Variants in ANO9 observed in about 807,000 individuals in gnomAD.
ANO9 encodes anoctamin-9.
ANO9 carries 80 observed loss-of-function variants against 100.5 expected under a neutral mutation model. The ratio of observed to expected loss-of-function variants is 0.80; its 90% CI spans 0.66 to 0.96. ANO9 has a LOEUF of 0.96. Among genes scored for constraint, ANO9 ranks in the 40% least tolerant of loss-of-function variants. ANO9 has a pLI of 0.00. For synonymous variants in ANO9, 473 were observed against 435.6 expected (o/e 1.09, Z -1.07); for missense variants, 1,064 against 1,072.7 (o/e 0.99, Z 0.11).
Position 420,557 on chromosome 11 carries a change from G to A in ANO9, c.1692C>T (p.Leu564=). 1.2e-6 allele frequency: 2 copies of A among 1,605,686 alleles called. No homozygotes were observed. Among genetic ancestry groups the A allele is most frequent in the South Asian group, 2.2e-5 (2 of 91,046 alleles). The part of the protein sequence containing the change: ...FVAAFPLAPL[L]ALFSNLVEIR... ...TCTCCACGAGGTTGCTGAAGAGCGCGAGCAGCGGCGCCAGCGGGAAGGCGG... is the reference window on the plus strand; with the variant it reads ...TCTCCACGAGGTTGCTGAAGAGCGCAAGCAGCGGCGCCAGCGGGAAGGCGG... Residue 564 remains leucine, a synonymous_variant, in exon 19 of 23, where the codon CTC becomes CTT. Transcript: ENST00000332826.
intron 20 of ANO9, 81 bp from the exon 21 acceptor site, chr11:419,070 G>C: frequency 6.3e-7 from 1 of 1,594,766 alleles, no homozygotes; most frequent in African/African-American, 1.3e-5. Flanking sequence ...TCTAGCCTGC[G>C]TTGTGGAGCA....
chr11:428,612 C>G lies in ANO9; in HGVS notation c.1048G>C (p.Val350Leu). 1 of 1,612,212 alleles carries G rather than the reference C, an allele frequency of 6.2e-7. No homozygotes were observed. The highest frequency in any genetic ancestry group is 8.5e-7 in the Non-Finnish European group (1 of 1,179,650). ...GCCAGGACGCGGTAGACCACCAGGA[C>G]GTGGGCCATGCCGATCATGAGGCAG... ...MICLMIGMAHVLVVYRVLASA... is the reference protein window; with the variant it reads ...MICLMIGMAHLLVVYRVLASA... The change falls in exon 13 of 23, where the codon GTC (valine) becomes CTC (leucine). Residue 350 changes from valine (V) to leucine (L), a missense_variant. Val to Leu is a conservative substitution (Grantham distance 32). Coordinates refer to ENST00000332826, the MANE Select transcript of ANO9 (RefSeq NM_001012302.3).
chr11:425,719 T>G (rs576615828), intron 15 of ANO9, among the ~76,000 whole-genome samples: 88 of 151,190 alleles, frequency 5.8e-4, no homozygotes, highest in Middle Eastern at 3.4e-3. Context: ...TGTTTTTTGT[T>G]TTTTGTTTGT....
chr11:420,341 G>A, intron 19 of ANO9, 122 bp downstream of exon 19: 1 of 1,491,308 alleles, frequency 6.7e-7, no homozygotes, highest in Non-Finnish European at 8.9e-7. Flanking sequence ...GAAGGGCTGG[G>A]GGCTGTCTGC....
chr11:433,286 G>A (rs1849166647), intron 4 of ANO9, 28 bp downstream of exon 4: 1 of 1,605,606 alleles, frequency 6.2e-7, no homozygotes, highest in Non-Finnish European at 8.5e-7. Context: ...GGGTTCTCCT[G>A]GCCACGGCTC....
rs762387585 is a variant in ANO9 at position 420,764 on chromosome 11, C to G, written c.1587G>C (p.Leu529=). Reference sequence around the variant, plus strand: ...ACAGGCTGAAGGTGTTGACCGGGTTCAGAAGGTAGTTGCGCCGCCAGTCCC... The same window carrying G: ...ACAGGCTGAAGGTGTTGACCGGGTTGAGAAGGTAGTTGCGCCGCCAGTCCC... The part of the protein sequence containing the change: ...ELRDWRRNYL[L]NPVNTFSLFD... Residue 529 remains leucine (L), a synonymous_variant, in exon 18 of 23, where the codon CTG becomes CTC. Transcript: ENST00000332826. 1.1e-5 allele frequency: 18 copies of G among 1,605,484 alleles called. No individual in the cohort carries two copies. Among genetic ancestry groups the G allele is most frequent in the Non-Finnish European group, 1.4e-5 (17 of 1,177,938 alleles).
chr11:420,270 C>A (rs1442279548), intron 19 of ANO9, 193 bp downstream of exon 19: 6 of 1,428,330 alleles, frequency 4.2e-6, no homozygotes, highest in Admixed American at 5.7e-5. Context: ...ACAAAGCGCT[C>A]GGCCCCGCCC....
At chr11:426,309 C>T (rs541082887) in intron 15 of ANO9, among the ~76,000 whole-genome samples, 2 of 152,190 alleles carry the variant, frequency 1.3e-5, no homozygotes, top group African/African-American at 4.8e-5. Context: ...GTAGCTCACA[C>T]CTGTTATCCC....
chr11:438,562 G>A (rs1264438705), intron 1 of ANO9, among the ~76,000 whole-genome samples: 1 of 151,524 alleles, frequency 6.6e-6, no homozygotes, highest in Non-Finnish European at 1.5e-5. Flanking sequence ...CAGCCTCCAG[G>A]ACCGGGCCGT....
chr11:430,235 C>G (rs771965622), intron 8 of ANO9, 34 bp downstream of exon 8: 1 of 1,552,072 alleles, frequency 6.4e-7, no homozygotes, highest in Admixed American at 1.9e-5. Context: ...GGGCCCACCC[C>G]GGCCCCCCAT....
At position 433,427 on chromosome 11, in the gene ANO9, C is replaced by T. The variant is rs747375948; in HGVS notation, c.237G>A (p.Gly79=). ...CAAAGACACTGTTGTCAGCACGGAT[C>T]CCAAAGAAGACCTGTTTCTGGTCCC... The part of the protein sequence containing the change: ...VIRDQKQVFF[G]IRADNSVFGL... The change falls in exon 4 of 23, where the codon GGG becomes GGA. Residue 79 remains glycine, a synonymous_variant. Transcript: ENST00000332826. The T allele has an allele frequency of 6.2e-7, 1 of 1,613,344 alleles. No individual in the cohort carries two copies. The highest frequency in any genetic ancestry group is 1.1e-5 in the South Asian group (1 of 91,084).
At chr11:429,067 G>A (rs1590457922) in intron 11 of ANO9, among the ~76,000 whole-genome samples, 1 of 131,644 alleles carries the variant, frequency 7.6e-6, no homozygotes, top group Non-Finnish European at 1.6e-5. Context: ...CACGCCTCAC[G>A]GGTGGACAGA....
At position 432,029 on chromosome 11, in the gene ANO9, C is replaced by G; in HGVS notation, c.376G>C (p.Val126Leu). 6.2e-7 allele frequency: 1 copy of G among 1,613,008 alleles called. No homozygotes were observed. The highest frequency in any genetic ancestry group is 8.5e-7 in the Non-Finnish European group (1 of 1,179,770). Residue 126 changes from valine to leucine, a missense_variant, in exon 5 of 23, where the codon GTT (valine) becomes CTT (leucine). Val to Leu is a conservative substitution (Grantham distance 32, BLOSUM62 1). Transcript: ENST00000332826. The surrounding 1 kb of genome is among the most constrained non-coding windows in gnomAD (Gnocchi z 4.8). ...TSLRIRIVNF[V>L]VMNNKTSAGE... ...GCCGAGGTCTTGTTGTTCATGACAA[C>G]GAAGTTCACGATTCGGATTCTGAGA...
rs753340054 is a variant in ANO9 at position 420,529 on chromosome 11, G to C, written c.1720C>G (p.Arg574Gly). The C allele has an allele frequency of 6.2e-7, 1 of 1,605,772 alleles. No homozygotes were observed. Among genetic ancestry groups the C allele is most frequent in the Non-Finnish European group, 8.5e-7 (1 of 1,179,532 alleles). Residue 574 changes from arginine to glycine, a missense_variant, in exon 19 of 23, where the codon CGC becomes GGC. Arg to Gly is a moderately radical substitution (Grantham distance 125). Coordinates refer to ENST00000332826, the MANE Select transcript of ANO9 (RefSeq NM_001012302.3). ...LALFSNLVEIRLDAIKMVWLQ... is the reference protein window; with the variant it reads ...LALFSNLVEIGLDAIKMVWLQ... ...CAGACCATCTTGATGGCGTCCAGGCGGATCTCCACGAGGTTGCTGAAGAGC... is the reference window on the plus strand; with the variant it reads ...CAGACCATCTTGATGGCGTCCAGGCCGATCTCCACGAGGTTGCTGAAGAGC...
chr11:435,315 G>C (rs917827474), intron 1 of ANO9, among the ~76,000 whole-genome samples: 6 of 149,114 alleles, frequency 4.0e-5, no homozygotes, highest in African/African-American at 1.5e-4. Context: ...CATAGTATAG[G>C]GTAGTATGGT....
chr11:433,427 C>G lies in ANO9; in HGVS notation c.237G>C (p.Gly79=), dbSNP rs747375948. ...CAAAGACACTGTTGTCAGCACGGAT[C>G]CCAAAGAAGACCTGTTTCTGGTCCC... The part of the protein sequence containing the change: ...VIRDQKQVFF[G]IRADNSVFGL... The change falls in exon 4 of 23, where the codon GGG becomes GGC. Residue 79 remains glycine, a synonymous_variant. Transcript: ENST00000332826. 1.9e-6 allele frequency: 3 copies of G among 1,613,228 alleles called. No homozygotes were observed. In the African/African-American group the frequency reaches 4.0e-5, roughly 22 times the overall value.
At chr11:430,061 G>C (rs780689495) in intron 9 of ANO9, 22 bp downstream of exon 9, 1 of 1,547,602 alleles carries the variant, frequency 6.5e-7, no homozygotes, top group African/African-American at 1.4e-5. Context: ...CAGGCCCTGG[G>C]GTGGACCCGG....
chr11:439,827 AC>A (rs1845715873), intron 1 of ANO9, among the ~76,000 whole-genome samples: 2 of 149,128 alleles, frequency 1.3e-5, no homozygotes, highest in Non-Finnish European at 3.0e-5. Flanking sequence ...TCTTCTGCCC[AC>A]CCCCCGGCCC....
intron 15 of ANO9, among the ~76,000 whole-genome samples, chr11:423,550 C>T (rs1003680058): frequency 1.3e-5 from 2 of 152,070 alleles, no homozygotes; most frequent in South Asian, 2.1e-4. Flanking sequence ...CTCTGTCACT[C>T]GGGCTGGAGT....
Sources: allele counts gnomAD v4.1 joint callset (sites outside exome capture counted in the v4.1 genomes callset), GRCh38; gene constraint gnomAD v4.1.1; non-coding constraint Gnocchi (gnomAD v3.1); transcripts MANE v1.5; gene names NCBI Gene and HGNC (gene_info 2026-07-23, HGNC 2026-07-21).